The following RB1CC1 variants were observed in gnomAD, a reference collection of about 807,000 sequenced individuals.
The protein encoded by RB1CC1 is RB1 inducible coiled-coil 1.
Under a neutral mutation model 177.5 loss-of-function variants are expected in RB1CC1, and 46 were observed. The ratio of observed to expected loss-of-function variants is 0.26; its 90% CI spans 0.20 to 0.33. The LOEUF is 0.33. Ranked by LOEUF, RB1CC1 falls within the 10% of genes least tolerant of loss-of-function variation. The pLI is 1.00. For missense variants in RB1CC1, 1,703 were observed against 1,816.3 expected, an observed-to-expected ratio of 0.94 and a Z score of 1.13; for synonymous variants, 666 against 613.6, an observed-to-expected ratio of 1.09 and a Z score of -1.26.
intron 12 of RB1CC1, among the ~76,000 whole-genome samples, chr8:52,659,514 C>A (rs7004260): frequency 1.3e-4 from 20 of 151,410 alleles, no homozygotes; most frequent in Non-Finnish European, 2.5e-4. Flanking sequence ...ATAAAATTGC[C>A]AAGAGTTGCA....
intron 7 of RB1CC1, among the ~76,000 whole-genome samples, chr8:52,672,430 C>G (rs545944267): frequency 6.6e-6 from 1 of 152,178 alleles, no homozygotes; most frequent in Admixed American, 6.5e-5. Flanking sequence ...GTTTTGACAT[C>G]TGGCACAGCT....
rs117451569 is a variant in RB1CC1, at chr8:52,655,065, T to C, written c.3821+943A>G. Among the ~76,000 whole-genome samples the C allele has an allele frequency of 7.2e-5, 11 of 152,306 alleles. No homozygotes were observed. The East Asian group carries it at 1.9e-3, about 27-fold the overall frequency. On this transcript the variant is annotated intron_variant, in intron 15 of 23. Coordinates refer to ENST00000025008, the MANE Select transcript of RB1CC1 (RefSeq NM_014781.5). ...GACAAGCTCTCCTGGCCTTTGGCAG[T>C]GACTCTGTTAACCTTCTCTCATCCA...
intron 1 of RB1CC1, among the ~76,000 whole-genome samples, chr8:52,708,254 C>T (rs1230739830): frequency 6.6e-6 from 1 of 152,194 alleles, no homozygotes; most frequent in Non-Finnish European, 1.5e-5. Context: ...CACTGGCTCA[C>T]GCCTGTAATC....
At position 52,683,702 on chromosome 8, in the gene RB1CC1, A is replaced by C; in HGVS notation, c.216T>G (p.Phe72Leu). 1 of 1,586,776 alleles carries C rather than the reference A, an allele frequency of 6.3e-7. No individual in the cohort carries two copies. The highest frequency in any genetic ancestry group is 1.2e-5 in the South Asian group (1 of 85,954). The change falls in exon 5 of 24, where the codon TTT becomes TTG. Residue 72 changes from phenylalanine (F) to leucine (L), a missense_variant. By Grantham distance (22) the Phe-to-Leu change is conservative (BLOSUM62 0). Coordinates refer to ENST00000025008, the MANE Select transcript of RB1CC1 (RefSeq NM_014781.5). ...ATAAGATCATTTCTTTGTTAAAAAG[A>C]AAAATTGGATTTGTATCCTATATTT... ...YSAGTDTNPI[F>L]LFNKEMILCD...
chr8:52,691,986 C>T (rs141538437), intron 1 of RB1CC1, among the ~76,000 whole-genome samples: 1 of 152,348 alleles, frequency 6.6e-6, no homozygotes, highest in African/African-American at 2.4e-5. Context: ...GCTTTACATG[C>T]ATGACTTCAT....
rs575213889 is a variant in RB1CC1, at chr8:52,645,831, G to A, written c.3858C>T (p.Ser1286=). 1.2e-6 allele frequency: 2 copies of A among 1,609,564 alleles called. No homozygotes were observed. Among genetic ancestry groups the A allele is most frequent in the South Asian group, 1.1e-5 (1 of 89,810 alleles). The change falls in exon 16 of 24, where the codon AGC becomes AGT. Residue 1286 remains serine, a synonymous_variant. Coordinates refer to ENST00000025008, the MANE Select transcript of RB1CC1 (RefSeq NM_014781.5). ...AIDSTRGDSS[S]LVAELQEKLQ... ...GCTTTTCTTGAAGTTCAGCAACTAA[G>A]CTTGAAGAATCTCCTCTGGTAGAGT...
At chr8:52,641,973 A>G (rs1002633022) in intron 18 of RB1CC1, among the ~76,000 whole-genome samples, 19 of 152,080 alleles carry the variant, frequency 1.2e-4, no homozygotes, top group African/African-American at 4.3e-4. Flanking sequence ...TAATAATAAT[A>G]ATAATAAAAA....
intron 22 of RB1CC1, among the ~76,000 whole-genome samples, chr8:52,626,968 T>C (rs763061148): frequency 2.6e-5 from 4 of 152,110 alleles, no homozygotes; most frequent in Admixed American, 6.5e-5. Flanking sequence ...GGCAGGAGGA[T>C]TGCTTGGGCC....
chr8:52,682,546 TTTCTTTTTACTTTCTTGTTTTCA>T (rs1853855744), intron 5 of RB1CC1, among the ~76,000 whole-genome samples: 1 of 152,190 alleles, frequency 6.6e-6, no homozygotes, highest in African/African-American at 2.4e-5. Flanking sequence ...CATTTTATCT[TTTCTTTTTACTTTCTTGTTTTCA>T]TTCTTTCGTT....
In RB1CC1 at chr8:52,707,208, CTGTTAT is replaced by C. The variant is rs149165448; in HGVS notation, c.-167+6861_-167+6866del. On this transcript the variant is annotated intron_variant, in intron 1 of 23. Transcript: ENST00000025008. The stretch of plus-strand genomic sequence containing the variant: ...TAAAGTGAAATACAAACATCAATTA[CTGTTAT>C]TAACTAATCCAGATCTCTGTTCTGA... Among the ~76,000 whole-genome samples the C allele has an allele frequency of 6.3e-3, 953 of 152,248 alleles. 11 individuals are homozygous for C. The highest frequency in any genetic ancestry group is 0.022 in the African/African-American group (925 of 41,554).
At chr8:52,664,841 G>A (rs981832049) in intron 8 of RB1CC1, among the ~76,000 whole-genome samples, 1 of 152,128 alleles carries the variant, frequency 6.6e-6, no homozygotes, top group Non-Finnish European at 1.5e-5. Flanking sequence ...AAGTAGACTT[G>A]AGGGCAATAT....
intron 18 of RB1CC1, among the ~76,000 whole-genome samples, chr8:52,641,909 C>T (rs1221465681): frequency 6.6e-6 from 1 of 152,072 alleles, no homozygotes; most frequent in Non-Finnish European, 1.5e-5. Context: ...CCAGTAAGCT[C>T]TGCCACGATT....
intron 1 of RB1CC1, among the ~76,000 whole-genome samples, chr8:52,710,864 C>T (rs1857003645): frequency 6.6e-6 from 1 of 151,960 alleles, no homozygotes; most frequent in Admixed American, 6.6e-5. Context: ...TGCAGTAAAA[C>T]AATTACTAAA....
At chr8:52,683,415 A>T in intron 5 of RB1CC1, 134 bp downstream of exon 5, 1 of 762,474 alleles carries the variant, frequency 1.3e-6, no homozygotes, top group Non-Finnish European at 1.9e-6. Flanking sequence ...AAAACTAGAT[A>T]TATTAACCGG....
In RB1CC1 at chr8:52,674,162, A is replaced by G; in HGVS notation, c.685T>C (p.Ser229Pro). The G allele has an allele frequency of 6.2e-7, 1 of 1,613,792 alleles. No individual in the cohort carries two copies. Among genetic ancestry groups the G allele is most frequent in the Non-Finnish European group, 8.5e-7 (1 of 1,179,706 alleles). Residue 229 changes from serine to proline, a missense_variant, in exon 7 of 24, where the codon TCA (serine) becomes CCA (proline). Coordinates refer to ENST00000025008, the MANE Select transcript of RB1CC1 (RefSeq NM_014781.5). The stretch of plus-strand genomic sequence containing the variant: ...GATCTTTTCATCTCAGCTTTTTCTG[A>G]GTCTTCATGTTCAGGTAAAGAATCC... ...RLDSLPEHED[S>P]EKAEMKRSTE...
chr8:52,700,806 G>A (rs959431215), intron 1 of RB1CC1, among the ~76,000 whole-genome samples: 1 of 152,098 alleles, frequency 6.6e-6, no homozygotes. Context: ...AAAACAAATT[G>A]CACCAACATC....
chr8:52,634,142 A>C (rs1362974705), intron 20 of RB1CC1, among the ~76,000 whole-genome samples: 3 of 152,028 alleles, frequency 2.0e-5, no homozygotes, highest in African/African-American at 7.2e-5. Context: ...ATTAAAAACG[A>C]AACAAAACAA....
chr8:52,650,756 T>C (rs1850503286), intron 15 of RB1CC1, among the ~76,000 whole-genome samples: 1 of 152,168 alleles, frequency 6.6e-6, no homozygotes, highest in East Asian at 1.9e-4. Flanking sequence ...GGGCAGTACA[T>C]GGCATAACAG....
intron 12 of RB1CC1, 68 bp downstream of exon 12, chr8:52,660,528 T>A: frequency 7.4e-7 from 1 of 1,349,152 alleles, no homozygotes; most frequent in East Asian, 2.4e-5. Flanking sequence ...CTGATAAATG[T>A]CTCTACTTCT....
Sources: gnomAD v4.1 joint callset for allele counts (sites outside exome capture counted in the v4.1 genomes callset) on GRCh38, gnomAD v4.1.1 for gene constraint, MANE v1.5 for transcripts, NCBI Gene and HGNC (gene_info 2026-07-23, HGNC 2026-07-21) for gene names.